Variants in ASXL2 observed in about 807,000 individuals in gnomAD.
ASXL2 encodes putative Polycomb group protein ASXL2.
Under a neutral mutation model 122.0 loss-of-function variants are expected in ASXL2, and 23 were observed. The ratio of observed to expected loss-of-function variants is 0.19; its 90% CI spans 0.14 to 0.27. The LOEUF (loss-of-function observed/expected upper bound fraction) is 0.27. Among genes scored for constraint, ASXL2 ranks in the 10% least tolerant of loss-of-function variants. The probability of loss-of-function intolerance (pLI) is 1.00; values close to 1 mark genes in which losing one functional copy is unlikely to be tolerated. For synonymous variants in ASXL2, 650 were observed against 637.0 expected, an observed-to-expected ratio of 1.02 and a Z score of -0.31; for missense variants, 1,518 against 1,713.8, an observed-to-expected ratio of 0.89 and a Z score of 2.02.
chr2:25,871,573 T>C (rs944231921), intron 1 of ASXL2, among the ~76,000 whole-genome samples: 9 of 152,218 alleles, frequency 5.9e-5, no homozygotes, highest in African/African-American at 2.2e-4. Flanking sequence ...GAAAAAATTA[T>C]GAAATTAACA....
intron 2 of ASXL2, among the ~76,000 whole-genome samples, chr2:25,841,940 C>T (rs1426341129): frequency 3.7e-5 from 5 of 136,164 alleles, no homozygotes; most frequent in African/African-American, 1.4e-4. Flanking sequence ...GAGCGAGACT[C>T]TGTCTCAAAA....
intron 8 of ASXL2, among the ~76,000 whole-genome samples, chr2:25,766,986 G>C (rs1330988287): frequency 6.6e-6 from 1 of 152,018 alleles, no homozygotes; most frequent in Admixed American, 6.6e-5. Context: ...TTTATCCCTG[G>C]CAACTGCTCT....
Position 25,735,990 on chromosome 2 carries a change from C to A in ASXL2, c.*6039G>T, listed in dbSNP as rs1314243528. The A allele has an allele frequency of 6.6e-6, 1 of 152,192 alleles. No individual in the cohort carries two copies. The highest frequency in any genetic ancestry group is 2.4e-5 in the African/African-American group (1 of 41,448). The allele number at this position is 152,192 out of a possible 1,614,324, so 9.4% of individuals were successfully genotyped here. ...CTAAAAACATGCTGTATAGTCACTA[C>A]TTTAGGAAAACCTTTCTGCAACTTA... is the stretch of plus-strand genomic sequence containing the variant. On this transcript the variant is annotated 3_prime_UTR_variant, in exon 13 of 13. Transcript: ENST00000435504.
intron 2 of ASXL2, among the ~76,000 whole-genome samples, chr2:25,838,180 T>C (rs1339953978): frequency 1.3e-5 from 2 of 152,192 alleles, no homozygotes; most frequent in Non-Finnish European, 2.9e-5. Context: ...CATAAATATG[T>C]AGTAGCTAAT....
chr2:25,741,274 C>T lies in ASXL2; in HGVS notation c.*755G>A, dbSNP rs928824371. 8.4e-5 allele frequency: 19 copies of T among 224,884 alleles called. No individual in the cohort carries two copies. The highest frequency in any genetic ancestry group is 1.7e-4 in the Admixed American group (3 of 17,470). The allele number at this position is 224,884 out of a possible 1,614,324, so 13.9% of individuals were successfully genotyped here. On this transcript the variant is annotated 3_prime_UTR_variant, in exon 13 of 13. Coordinates refer to ENST00000435504, the MANE Select transcript of ASXL2 (RefSeq NM_018263.6). ...GGGTCCCAGAGAGGCACTCCCTTCA[C>T]GGACTACATTCACTGTCTCAGGGCA...
chr2:25,870,041 T>TAGTGC (rs1215188261), intron 1 of ASXL2, among the ~76,000 whole-genome samples: 2 of 152,048 alleles, frequency 1.3e-5, no homozygotes, highest in Non-Finnish European at 2.9e-5. Flanking sequence ...TTTGATGCTG[T>TAGTGC]AGTGCACTAC....
intron 1 of ASXL2, among the ~76,000 whole-genome samples, chr2:25,861,384 G>C (rs2089841878): frequency 6.6e-6 from 1 of 152,128 alleles, no homozygotes; most frequent in South Asian, 2.1e-4. Flanking sequence ...CCAATTCCTT[G>C]AAAGACACAA....
chr2:25,801,805 C>T (rs996663580), intron 4 of ASXL2, among the ~76,000 whole-genome samples: 1 of 152,120 alleles, frequency 6.6e-6, no homozygotes, highest in African/African-American at 2.4e-5. Context: ...TTCCAAACAA[C>T]CATAACCACC....
intron 5 of ASXL2, among the ~76,000 whole-genome samples, chr2:25,777,231 G>A (rs72799678): frequency 6.6e-6 from 1 of 151,906 alleles, no homozygotes; most frequent in Non-Finnish European, 1.5e-5. Context: ...GGGACCACAG[G>A]TATGTGTTAT....
chr2:25,812,014 A>G (rs1391542638), intron 3 of ASXL2, among the ~76,000 whole-genome samples: 1 of 151,944 alleles, frequency 6.6e-6, no homozygotes, highest in African/African-American at 2.4e-5. Flanking sequence ...CAGCCTCCCA[A>G]AGTGCTGGGA....
intron 2 of ASXL2, among the ~76,000 whole-genome samples, chr2:25,835,912 G>A (rs368841015): frequency 8.5e-5 from 13 of 152,136 alleles, no homozygotes; most frequent in African/African-American, 1.9e-4. Flanking sequence ...CCATCATAAC[G>A]CCATCAGCTG....
intron 3 of ASXL2, among the ~76,000 whole-genome samples, chr2:25,832,989 T>C (rs977324416): frequency 6.6e-6 from 1 of 152,012 alleles, no homozygotes; most frequent in Non-Finnish European, 1.5e-5. Flanking sequence ...ATGACAAAAT[T>C]ATAGAAATGT....
Position 25,790,364 on chromosome 2 carries a change from A to G in ASXL2, c.403+9021T>C, listed in dbSNP as rs1465187326. 2.0e-5 allele frequency among the ~76,000 whole-genome samples: 3 copies of G among 151,176 alleles called. No homozygotes were observed. In the East Asian group the frequency reaches 5.8e-4, roughly 29 times the overall value. On this transcript the variant is annotated intron_variant, in intron 5 of 12. Coordinates refer to ENST00000435504, the MANE Select transcript of ASXL2 (RefSeq NM_018263.6). ...GAGAAGCGCATGAGCAAGGTTTCCT[A>G]GGACTACATCTTAAAAAAAAAAACA...
chr2:25,832,253 C>T (rs543868218), intron 3 of ASXL2, among the ~76,000 whole-genome samples: 27 of 152,084 alleles, frequency 1.8e-4, no homozygotes, highest in Non-Finnish European at 3.4e-4. Context: ...AATGGAAGTA[C>T]GGTTTCCACA....
At chr2:25,805,055 A>G (rs2089061826) in intron 4 of ASXL2, among the ~76,000 whole-genome samples, 1 of 152,196 alleles carries the variant, frequency 6.6e-6, no homozygotes, top group South Asian at 2.1e-4. Flanking sequence ...CAAAAGAAAG[A>G]AAGAAAGAAA....
Position 25,771,494 on chromosome 2 carries a change from T to G in ASXL2, c.450A>C (p.Pro150=), listed in dbSNP as rs1423194752. 1 of 1,613,826 alleles carries G rather than the reference T, an allele frequency of 6.2e-7. No homozygotes were observed. Among genetic ancestry groups the G allele is most frequent in the South Asian group, 1.1e-5 (1 of 91,064 alleles). ...PQSGCPSPTI[P]AGKVISPSQK... ...GTGATGGAGAAATGACTTTACCTGC[T>G]GGAATGGTGGGTGATGGGCAGCCTG... The change falls in exon 6 of 13, where the codon CCA becomes CCC. Residue 150 remains proline (P), a synonymous_variant. Coordinates refer to ENST00000435504, the MANE Select transcript of ASXL2 (RefSeq NM_018263.6).
At chr2:25,852,510 C>T (rs1388079715) in intron 1 of ASXL2, among the ~76,000 whole-genome samples, 1 of 152,096 alleles carries the variant, frequency 6.6e-6, no homozygotes, top group African/African-American at 2.4e-5. Context: ...AAATAAGTAA[C>T]ACAGTGATCT....
intron 3 of ASXL2, chr2:25,810,065 C>T: frequency 1.8e-6 from 1 of 552,926 alleles, no homozygotes; most frequent in South Asian, 1.4e-5. Context: ...AAACTCAGCA[C>T]AGGTCTCTAC....
intron 4 of ASXL2, 131 bp downstream of exon 4, chr2:25,806,098 A>T (rs2089077103): frequency 3.4e-6 from 2 of 579,806 alleles, no homozygotes; most frequent in Non-Finnish European, 6.2e-6. Flanking sequence ...TATTGGGTAG[A>T]GGTTTCAAAA....
Sources: allele counts gnomAD v4.1 joint callset (sites outside exome capture counted in the v4.1 genomes callset), GRCh38; gene constraint gnomAD v4.1.1; transcripts MANE v1.5; gene names NCBI Gene and HGNC (gene_info 2026-07-23, HGNC 2026-07-21).